Variants in HOGA1 observed in about 807,000 individuals in gnomAD.
HOGA1 encodes the protein 4-hydroxy-2-oxoglutarate aldolase, mitochondrial.
In HOGA1, 30 loss-of-function variants were observed where a neutral mutation model predicts 34.3. The observed-to-expected ratio is 0.87, with a 90% confidence interval of 0.65 to 1.19. The LOEUF (loss-of-function observed/expected upper bound fraction) is 1.19. Among genes scored for constraint, HOGA1 ranks in the 50% most tolerant of loss-of-function variants. The pLI, the probability that HOGA1 is intolerant of heterozygous loss-of-function variation, is 0.00. For synonymous variants in HOGA1, 161 were observed against 174.0 expected, an observed-to-expected ratio of 0.93 and a Z score of 0.59; for missense variants, 417 against 436.5, an observed-to-expected ratio of 0.96 and a Z score of 0.40.
In HOGA1 at chr10:97,600,081, G is replaced by A. The variant is rs2041104652; in HGVS notation, c.618G>A (p.Gly206=). The A allele has an allele frequency of 6.2e-7, 1 of 1,614,146 alleles. No individual in the cohort carries two copies. The highest frequency in any genetic ancestry group is 8.5e-7 in the Non-Finnish European group (1 of 1,180,012). The change falls in exon 5 of 7, where the codon GGG becomes GGA. Residue 206 remains glycine (G), a synonymous_variant. Transcript: ENST00000370646. The part of the protein sequence containing the change: ...KDSGGDVTRI[G]LIVHKTRKQD... The stretch of plus-strand genomic sequence containing the variant: ...TGCTGTTGCAGGTGACCAGGATTGG[G>A]CTGATTGTTCACAAGACCAGGAAGC...
chr10:97,611,801 A>G lies in HOGA1; in HGVS notation c.*142A>G, dbSNP rs553574656. The G allele has an allele frequency of 7.8e-6, 8 of 1,027,186 alleles. No individual in the cohort carries two copies. The South Asian group carries it at 1.0e-4, about 13-fold the overall frequency. The allele number at this position is 1,027,186 out of a possible 1,614,324, so 63.6% of individuals were successfully genotyped here. A position where few individuals can be genotyped will look rare whatever the true frequency, so the allele number is the denominator to read the frequency against. Reference sequence around the variant, plus strand: ...GCTCCTTTGCCTGCTGTGGTCCTCCAGGCAGCCTTTCACAGGCACGCCCAT... The same window carrying G: ...GCTCCTTTGCCTGCTGTGGTCCTCCGGGCAGCCTTTCACAGGCACGCCCAT... On this transcript the variant is annotated 3_prime_UTR_variant, in exon 7 of 7. Transcript: ENST00000370646.
intron 1 of HOGA1, 135 bp from the exon 2 acceptor site, chr10:97,598,640 G>A (rs1290097841): frequency 2.0e-5 from 23 of 1,134,132 alleles, no homozygotes; most frequent in Non-Finnish European, 3.1e-5. Context: ...AGTCATTGCA[G>A]CTGTGTGGGA....
intron 1 of HOGA1, among the ~76,000 whole-genome samples, chr10:97,591,859 GAC>G (rs2041027733): frequency 1.4e-5 from 2 of 146,302 alleles, no homozygotes; most frequent in African/African-American, 5.1e-5. Context: ...GTGTGTGTGT[GAC>G]AGAGTCTCGC....
chr10:97,595,485 C>T (rs2041061743), intron 1 of HOGA1, among the ~76,000 whole-genome samples: 1 of 152,218 alleles, frequency 6.6e-6, no homozygotes, highest in Non-Finnish European at 1.5e-5. Context: ...CACCTGAGGC[C>T]AGGAGTTCGA....
At chr10:97,593,029 CAAAAAAA>C (rs1169191059) in intron 1 of HOGA1, among the ~76,000 whole-genome samples, 3 of 47,800 alleles carry the variant, frequency 6.3e-5, no homozygotes, top group East Asian at 6.1e-4. Context: ...GACTCTGTCT[CAAAAAAA>C]AAAAAAAAAA....
chr10:97,595,000 T>C (rs1282148899), intron 1 of HOGA1, among the ~76,000 whole-genome samples: 1 of 152,066 alleles, frequency 6.6e-6, no homozygotes, highest in Admixed American at 6.6e-5. Flanking sequence ...GAGGTGGCAA[T>C]GATGATGGAC....
At chr10:97,608,565 G>T (rs1180290913) in intron 6 of HOGA1, among the ~76,000 whole-genome samples, 1 of 152,162 alleles carries the variant, frequency 6.6e-6, no homozygotes, top group East Asian at 1.9e-4. Flanking sequence ...AGCACTTTGG[G>T]AGGCCGAGGC....
Position 97,584,536 on chromosome 10 carries a change from GC to G in HOGA1, c.-164del. 1.5e-6 allele frequency: 1 copy of G among 648,208 alleles called. No homozygotes were observed. Among genetic ancestry groups the G allele is most frequent in the East Asian group, 2.6e-5 (1 of 38,754 alleles). 40.2% of individuals were successfully genotyped at this position (648,208 alleles called of 1,614,324 possible). The stretch of plus-strand genomic sequence containing the variant: ...GGGCCCCCTGGGGCCTATAGGCCTT[GC>G]CCCTGACCCTGGGAACACCCAGCTC... On this transcript the variant is annotated 5_prime_UTR_variant, in exon 1 of 7. Coordinates refer to ENST00000370646, the MANE Select transcript of HOGA1 (RefSeq NM_138413.4).
rs140956245 is a variant in HOGA1, at chr10:97,590,026, C to G, written c.211+5112C>G. The G allele has an allele frequency of 6.8e-6, 11 of 1,614,036 alleles. No individual in the cohort carries two copies. The East Asian group carries it at 1.8e-4, about 26-fold the overall frequency. On this transcript the variant is annotated intron_variant, in intron 1 of 6. Transcript: ENST00000370646. ...TTAAATCCCACTTTAGCCGCCTTTC[C>G]GAAGAGAAGCTGGCCCTCGACAACA... is the stretch of plus-strand genomic sequence containing the variant.
At chr10:97,585,155 C>G (rs954078324) in intron 1 of HOGA1, among the ~76,000 whole-genome samples, 1 of 152,206 alleles carries the variant, frequency 6.6e-6, no homozygotes, top group Admixed American at 6.5e-5. Context: ...CAGCTGTAAA[C>G]TGTTAAAGTG....
At chr10:97,589,982 G>A (rs778331591) in intron 1 of HOGA1, 8 of 1,614,040 alleles carry the variant, frequency 5.0e-6, no homozygotes, top group Non-Finnish European at 6.8e-6. Context: ...ATCCCATAAA[G>A]CAAAGAATGA....
chr10:97,600,382 A>G (rs1027757723), intron 5 of HOGA1: 2 of 615,276 alleles, frequency 3.3e-6, no homozygotes, highest in Non-Finnish European at 2.9e-6. Flanking sequence ...GGCCGTGTAC[A>G]ATCCCTGGCC....
In HOGA1 at chr10:97,600,070, A is replaced by G; in HGVS notation, c.607A>G (p.Thr203Ala). Residue 203 changes from threonine to alanine, a missense_variant, in exon 5 of 7, where the codon ACC becomes GCC. Coordinates refer to ENST00000370646, the MANE Select transcript of HOGA1 (RefSeq NM_138413.4). ...VGMKDSGGDVTRIGLIVHKTR... is the reference protein window; with the variant it reads ...VGMKDSGGDVARIGLIVHKTR... The stretch of plus-strand genomic sequence containing the variant: ...CACACCACATTTGCTGTTGCAGGTG[A>G]CCAGGATTGGGCTGATTGTTCACAA... The G allele has an allele frequency of 6.2e-7, 1 of 1,614,026 alleles. No homozygotes were observed. The highest frequency in any genetic ancestry group is 8.5e-7 in the Non-Finnish European group (1 of 1,179,952).
intron 6 of HOGA1, among the ~76,000 whole-genome samples, chr10:97,608,195 C>T (rs1208599368): frequency 6.6e-6 from 1 of 152,062 alleles, no homozygotes; most frequent in African/African-American, 2.4e-5. Flanking sequence ...AACTCTAGCC[C>T]CAGCTACTCA....
At chr10:97,584,975 C>A in intron 1 of HOGA1, 61 bp downstream of exon 1, 3 of 1,406,816 alleles carry the variant, frequency 2.1e-6, no homozygotes, top group Non-Finnish European at 3.0e-6. Context: ...AGCCAGAGAC[C>A]AAGGGAGGGT....
In HOGA1 at chr10:97,599,673, T is replaced by A; in HGVS notation, c.469-7T>A. The A allele has an allele frequency of 6.2e-7, 1 of 1,613,830 alleles. No individual in the cohort carries two copies. The highest frequency in any genetic ancestry group is 8.5e-7 in the Non-Finnish European group (1 of 1,179,962). ...TCTCCTGCTTTTCTCTGCGCCCCCC[T>A]CCCCAGGTTGCTGATCTCTCTCCAA... is the stretch of plus-strand genomic sequence containing the variant. On this transcript the variant is annotated splice_region_variant and splice_polypyrimidine_tract_variant and intron_variant, in intron 3 of 6. Coordinates refer to ENST00000370646, the MANE Select transcript of HOGA1 (RefSeq NM_138413.4).
chr10:97,594,356 AT>A (rs932167784), intron 1 of HOGA1, among the ~76,000 whole-genome samples: 2 of 148,040 alleles, frequency 1.4e-5, no homozygotes, highest in African/African-American at 5.0e-5. Context: ...TTGATTTTTA[AT>A]TTTTTTTATT....
At chr10:97,608,140 T>A (rs2041170294) in intron 6 of HOGA1, among the ~76,000 whole-genome samples, 1 of 152,020 alleles carries the variant, frequency 6.6e-6, no homozygotes, top group African/African-American at 2.4e-5. Flanking sequence ...TGAGATTTTG[T>A]CTTTAGTAAA....
In HOGA1 at chr10:97,600,451, C is replaced by T. The variant is rs2041107552; in HGVS notation, c.700+288C>T. On this transcript the variant is annotated intron_variant, in intron 5 of 6. Transcript: ENST00000370646. ...CTGAGCTCCATGATTAGATGACAAA[C>T]TTAGCTGCTCTAATCCCACCTTGTA... 24 of 498,664 alleles carry T rather than the reference C, an allele frequency of 4.8e-5. 1 individual carries two copies. The South Asian group carries it at 5.0e-4, about 10-fold the overall frequency. The allele number at this position is 498,664 out of a possible 1,614,324, so 30.9% of individuals were successfully genotyped here.
Sources: gnomAD v4.1 joint callset for allele counts (sites outside exome capture counted in the v4.1 genomes callset) on GRCh38, gnomAD v4.1.1 for gene constraint, MANE v1.5 for transcripts, NCBI Gene and HGNC (gene_info 2026-07-23, HGNC 2026-07-21) for gene names.